Variants in KLHL13 observed in about 807,000 individuals in gnomAD.
KLHL13 encodes the protein kelch-like protein 13.
Under a neutral mutation model 37.1 loss-of-function variants are expected in KLHL13, and 10 were observed. The observed-to-expected ratio is 0.27, with a 90% CI of 0.17 to 0.46. The LOEUF (loss-of-function observed/expected upper bound fraction) is 0.46, where lower values mean the gene tolerates loss of function less well. Ranked by LOEUF, KLHL13 falls within the 20% of genes least tolerant of loss-of-function variation. The pLI is 1.00. For synonymous variants in KLHL13, 163 were observed against 181.2 expected (o/e 0.90, Z 0.81); for missense variants, 360 against 509.3 (o/e 0.71, Z 2.82).
At chrX:117,989,348 G>A (rs1032620264) in intron 1 of KLHL13, among the ~76,000 whole-genome samples, 9 of 110,336 alleles carry the variant, frequency 8.2e-5, no homozygotes, top group Non-Finnish European at 1.3e-4. Context: ...GAGAGAAGTG[G>A]AAAACAATAA....
intron 1 of KLHL13, among the ~76,000 whole-genome samples, chrX:118,032,432 C>G (rs1007681600): frequency 1.8e-5 from 2 of 111,607 alleles, no homozygotes; most frequent in Non-Finnish European, 3.8e-5. Context: ...GGTCCCTGAC[C>G]CCTGACCCCC....
intron 1 of KLHL13, among the ~76,000 whole-genome samples, chrX:118,077,860 A>T (rs1349377889): frequency 1.8e-5 from 2 of 111,631 alleles, no homozygotes; most frequent in East Asian, 5.6e-4. Flanking sequence ...TTTGCTAGTG[A>T]GGCATTGTTT....
chrX:118,090,676 G>T (rs2055121499), intron 1 of KLHL13, among the ~76,000 whole-genome samples: 1 of 109,721 alleles, frequency 9.1e-6, no homozygotes, highest in Non-Finnish European at 1.9e-5. Context: ...TTACACTGTT[G>T]GTGGGACTGT....
At chrX:118,012,847 T>A (rs1321824632) in intron 1 of KLHL13, among the ~76,000 whole-genome samples, 1 of 111,596 alleles carries the variant, frequency 9.0e-6, no homozygotes, top group Admixed American at 9.5e-5. Flanking sequence ...CTAAAGAAGG[T>A]ATATATACAA....
At chrX:117,995,804 T>A (rs2053848232) in intron 1 of KLHL13, among the ~76,000 whole-genome samples, 3 of 111,703 alleles carry the variant, frequency 2.7e-5, no homozygotes, top group Admixed American at 9.5e-5. Context: ...TGGAGGCTCA[T>A]CCACCATTTA....
intron 1 of KLHL13, among the ~76,000 whole-genome samples, chrX:118,055,839 C>T (rs957798962): frequency 9.0e-6 from 1 of 111,451 alleles, no homozygotes; most frequent in Non-Finnish European, 1.9e-5. Flanking sequence ...AGATGCTTGC[C>T]CCCTAAAATT....
chrX:117,907,185 A>T (rs1224595602), intron 5 of KLHL13, among the ~76,000 whole-genome samples: 1 of 111,144 alleles, frequency 9.0e-6, no homozygotes, highest in Non-Finnish European at 1.9e-5. Context: ...CTTGCCCAAC[A>T]GTGTGGTCTA....
intron 1 of KLHL13, among the ~76,000 whole-genome samples, chrX:117,990,072 T>G (rs762613757): frequency 3.3e-4 from 37 of 111,485 alleles, no homozygotes; most frequent in Non-Finnish European, 6.0e-4. Flanking sequence ...TAACTACACT[T>G]TTCTGATGAT....
At chrX:118,101,520 CAG>C (rs1318342534) in intron 1 of KLHL13, among the ~76,000 whole-genome samples, 2 of 111,623 alleles carry the variant, frequency 1.8e-5, no homozygotes, top group Admixed American at 9.5e-5. Context: ...AAACACATAA[CAG>C]GGGTGTGAGG....
At chrX:117,963,447 T>C (rs1198265850) in intron 1 of KLHL13, among the ~76,000 whole-genome samples, 1 of 112,097 alleles carries the variant, frequency 8.9e-6, no homozygotes, top group African/African-American at 3.2e-5. Context: ...TCTTGTTGTT[T>C]AAAAAGACAC....
At chrX:118,020,457 A>G (rs1162482054) in intron 1 of KLHL13, among the ~76,000 whole-genome samples, 1 of 111,524 alleles carries the variant, frequency 9.0e-6, no homozygotes, top group East Asian at 2.8e-4. Flanking sequence ...ATCTCACACC[A>G]GTTAGAATGG....
chrX:118,082,692 A>G (rs2055009736), intron 1 of KLHL13, among the ~76,000 whole-genome samples: 1 of 111,994 alleles, frequency 8.9e-6, no homozygotes, highest in African/African-American at 3.2e-5. Flanking sequence ...AATTTCATAA[A>G]GCACTTCCCC....
intron 1 of KLHL13, among the ~76,000 whole-genome samples, chrX:118,031,635 TTA>T (rs1325286746): frequency 1.0e-5 from 1 of 98,552 alleles, no homozygotes; most frequent in African/African-American, 3.7e-5. Context: ...GTATATATAT[TTA>T]GTTATATATA....
At position 118,022,585 on chromosome X, in the gene KLHL13, T is replaced by C. The variant is rs779793285; in HGVS notation, c.-55-77010A>G. Reference sequence around the variant, plus strand: ...GTTTTCATTTACATCTCCCTGATGATGTGATGTTGAGCACCTTTTTATATG... The same window carrying C: ...GTTTTCATTTACATCTCCCTGATGACGTGATGTTGAGCACCTTTTTATATG... On this transcript the variant is annotated intron_variant, in intron 1 of 6. Transcript: ENST00000371882. Among the ~76,000 whole-genome samples, 9 of 112,176 alleles carry C rather than the reference T, an allele frequency of 8.0e-5. No individual in the cohort carries two copies. In the South Asian group the frequency reaches 2.2e-3, roughly 28 times the overall value.
At chrX:118,012,754 A>AT (rs752796158) in intron 1 of KLHL13, among the ~76,000 whole-genome samples, 8,357 of 108,145 alleles carry the variant, frequency 0.077, 340 homozygotes, top group Middle Eastern at 0.14. Context: ...TAAAGTTACC[A>AT]TTTTTTTTTC....
intron 1 of KLHL13, among the ~76,000 whole-genome samples, chrX:117,965,686 C>T (rs1194821742): frequency 1.8e-5 from 2 of 111,431 alleles, no homozygotes; most frequent in African/African-American, 6.5e-5. Context: ...TCCAGCAGCA[C>T]ATCAAAAAGC....
chrX:117,909,293 G>A lies in KLHL13; in HGVS notation c.1366+8C>T, dbSNP rs371849697. On this transcript the variant is annotated splice_region_variant and intron_variant, in intron 5 of 6. Coordinates refer to ENST00000262820, the Ensembl canonical transcript of KLHL13. Reference sequence around the variant, plus strand: ...ATTTGTCTCTATGCTTAATATAAATGCACTTACGCAGTTCACCTGCTGCAT... The same window carrying A: ...ATTTGTCTCTATGCTTAATATAAATACACTTACGCAGTTCACCTGCTGCAT... The A allele has an allele frequency of 3.6e-5, 41 of 1,145,604 alleles. No individual in the cohort carries two copies. The highest frequency in any genetic ancestry group is 4.4e-5 in the Non-Finnish European group (38 of 862,276). The allele number at this position is 1,145,604 out of a possible 1,213,427, so 94.4% of individuals were successfully genotyped here.
chrX:118,058,811 A>G (rs1261929672), intron 1 of KLHL13, among the ~76,000 whole-genome samples: 2 of 112,046 alleles, frequency 1.8e-5, no homozygotes, highest in East Asian at 5.6e-4. Flanking sequence ...ATTTTATAGT[A>G]TGTCTAGAAT....
chrX:117,988,166 A>G (rs1472504080), intron 1 of KLHL13, among the ~76,000 whole-genome samples: 1 of 112,235 alleles, frequency 8.9e-6, no homozygotes, highest in South Asian at 3.7e-4. Context: ...TTTGATTAGA[A>G]TAGGTGTTTT....
Sources: allele counts gnomAD v4.1 joint callset (sites outside exome capture counted in the v4.1 genomes callset), GRCh38; gene constraint gnomAD v4.1.1; transcripts MANE v1.5; gene names NCBI Gene and HGNC (gene_info 2026-07-23, HGNC 2026-07-21).